PRR16: variants seen among roughly 807,000 people sequenced by gnomAD.
The protein encoded by PRR16 is protein Largen.
A neutral mutation model predicts 18.2 loss-of-function variants in PRR16; 6 were observed. The observed-to-expected ratio is 0.33, with a 90% CI of 0.18 to 0.65. The LOEUF is 0.65. Among genes scored for constraint, PRR16 ranks in the 30% least tolerant of loss-of-function variants. The probability of loss-of-function intolerance (pLI) is 0.74; values close to 1 mark genes in which losing one functional copy is unlikely to be tolerated. For missense variants in PRR16, 412 were observed against 376.6 expected (o/e 1.09, Z -0.78); for synonymous variants, 151 against 147.8 (o/e 1.02, Z -0.16).
At chr5:120,513,052 G>C (rs1750879736) in intron 1 of PRR16, among the ~76,000 whole-genome samples, 2 of 152,252 alleles carry the variant, frequency 1.3e-5, no homozygotes, top group South Asian at 4.1e-4. Context: ...TAAAGGGAGT[G>C]GGAGGCTTCC....
At chr5:120,503,094 C>T (rs892058400) in intron 1 of PRR16, among the ~76,000 whole-genome samples, 16 of 152,196 alleles carry the variant, frequency 1.1e-4, no homozygotes, top group African/African-American at 3.1e-4. Flanking sequence ...TGGTTAAAGA[C>T]ATTGAAAGCC....
At chr5:120,667,944 G>A (rs530782426) in intron 1 of PRR16, among the ~76,000 whole-genome samples, 8,796 of 152,094 alleles carry the variant, frequency 0.058, 308 homozygotes, top group South Asian at 0.084. Flanking sequence ...ATTTGGGGTG[G>A]AGAGTTCTGT....
At chr5:120,611,341 G>A (rs1034563403) in intron 1 of PRR16, among the ~76,000 whole-genome samples, 31 of 152,158 alleles carry the variant, frequency 2.0e-4, no homozygotes, top group African/African-American at 7.0e-4. Context: ...ACGTAACAAG[G>A]AGCCTAATGT....
chr5:120,567,383 C>G (rs1752770864), intron 1 of PRR16, among the ~76,000 whole-genome samples: 1 of 152,138 alleles, frequency 6.6e-6, no homozygotes, highest in African/African-American at 2.4e-5. Flanking sequence ...TGCCACTGTG[C>G]TTTACCTATC....
At chr5:120,704,847 T>A in the PRR16 span, among the ~76,000 whole-genome samples, 1 of 152,202 alleles carries the variant, frequency 6.6e-6, no homozygotes, top group African/African-American at 2.4e-5. Context: ...TTATGAAGCC[T>A]ATTTACGCAT....
At chr5:120,667,192 GTGTA>G (rs199543988) in intron 1 of PRR16, among the ~76,000 whole-genome samples, 8,796 of 152,070 alleles carry the variant, frequency 0.058, 303 homozygotes, top group South Asian at 0.084. Context: ...TCTTGGGAGA[GTGTA>G]TGTGTCGAGG....
At chr5:120,465,482 C>G (rs905603624) in intron 1 of PRR16, 2 of 152,780 alleles carry the variant, frequency 1.3e-5, no homozygotes, top group Non-Finnish European at 2.9e-5. Flanking sequence ...CACTTCGGTT[C>G]AGCCCTACTC....
At chr5:120,479,164 C>G (rs1004577099) in intron 1 of PRR16, among the ~76,000 whole-genome samples, 1 of 152,114 alleles carries the variant, frequency 6.6e-6, no homozygotes, top group African/African-American at 2.4e-5. Context: ...CTTTCCTAAC[C>G]TAATATTGTT....
Position 120,686,722 on chromosome 5 carries a change from A to AAAAAATTG in PRR16, c.*14_*21dup. 1 of 1,449,066 alleles carries AAAAAATTG rather than the reference A, an allele frequency of 6.9e-7. No individual in the cohort carries two copies. Among genetic ancestry groups the AAAAAATTG allele is most frequent in the Non-Finnish European group, 9.1e-7 (1 of 1,096,298 alleles). The allele number at this position is 1,449,066 out of a possible 1,614,324, so 89.8% of individuals were successfully genotyped here. On this transcript the variant is annotated 3_prime_UTR_variant, in exon 2 of 2. Coordinates refer to ENST00000407149, the MANE Select transcript of PRR16 (RefSeq NM_001300783.2). The stretch of plus-strand genomic sequence containing the variant: ...TACAACCGTGTGATGTATGCCATTA[A>AAAAAATTG]AAAAATTGTTTTTTTAATTTTCTAT...
chr5:120,618,075 G>C (rs562937857), intron 1 of PRR16, among the ~76,000 whole-genome samples: 2 of 152,070 alleles, frequency 1.3e-5, no homozygotes, highest in South Asian at 4.2e-4. Flanking sequence ...GTTATTTTTT[G>C]TGTTAAATAT....
the PRR16 span, among the ~76,000 whole-genome samples, chr5:120,780,824 G>T: frequency 6.6e-6 from 1 of 152,154 alleles, no homozygotes; most frequent in Non-Finnish European, 1.5e-5. Flanking sequence ...GCCGAGGCGG[G>T]GGGAATCGCG....
At chr5:120,680,096 A>G (rs1011319574) in intron 1 of PRR16, among the ~76,000 whole-genome samples, 2 of 152,222 alleles carry the variant, frequency 1.3e-5, no homozygotes, top group Admixed American at 1.3e-4. Context: ...TTATAACCTC[A>G]TGTGTACCTT....
the PRR16 span, among the ~76,000 whole-genome samples, chr5:120,729,948 C>G: frequency 6.6e-6 from 1 of 152,086 alleles, no homozygotes; most frequent in South Asian, 2.1e-4. Context: ...ATAGTCTCCT[C>G]ACAGTACCTC....
intron 1 of PRR16, among the ~76,000 whole-genome samples, chr5:120,650,119 G>A (rs1755726630): frequency 6.6e-6 from 1 of 151,674 alleles, no homozygotes; most frequent in Non-Finnish European, 1.5e-5. Context: ...TCAGGAGGCT[G>A]AGGCAGGAGA....
chr5:120,492,618 T>C (rs1206048694), intron 1 of PRR16, among the ~76,000 whole-genome samples: 1 of 152,156 alleles, frequency 6.6e-6, no homozygotes. Context: ...TTTTGTTACA[T>C]GGATGAGTTG....
At chr5:120,780,567 C>G in the PRR16 span, among the ~76,000 whole-genome samples, 13 of 152,020 alleles carry the variant, frequency 8.6e-5, no homozygotes, top group Non-Finnish European at 2.9e-5. Context: ...GATATTTAAT[C>G]CTAAAATGTA....
intron 1 of PRR16, among the ~76,000 whole-genome samples, chr5:120,617,994 G>A (rs1345266783): frequency 2.6e-5 from 4 of 152,010 alleles, no homozygotes; most frequent in East Asian, 1.9e-4. Context: ...AAAGAACGTG[G>A]GTTTATTGCT....
chr5:120,481,787 G>C (rs566239737), intron 1 of PRR16, among the ~76,000 whole-genome samples: 1 of 152,078 alleles, frequency 6.6e-6, no homozygotes, highest in Non-Finnish European at 1.5e-5. Context: ...TGTGAAATTT[G>C]TTTCAATTTG....
intron 1 of PRR16, among the ~76,000 whole-genome samples, chr5:120,496,616 T>C (rs575061778): frequency 6.6e-6 from 1 of 152,092 alleles, no homozygotes; most frequent in East Asian, 1.9e-4. Context: ...GTCGATCTTT[T>C]TCGAGATTTG....
Sources: allele counts gnomAD v4.1 joint callset (sites outside exome capture counted in the v4.1 genomes callset), GRCh38; gene constraint gnomAD v4.1.1; transcripts MANE v1.5; gene names NCBI Gene and HGNC (gene_info 2026-07-23, HGNC 2026-07-21).